The following SMARCD3 variants were observed in gnomAD, a reference collection of about 807,000 sequenced individuals.
The protein encoded by SMARCD3 is SWI/SNF related BAF chromatin remodeling complex subunit D3.
Under a neutral mutation model 58.0 loss-of-function variants are expected in SMARCD3, and 14 were observed. The ratio of observed to expected loss-of-function variants is 0.24; its 90% CI spans 0.16 to 0.38. SMARCD3 has a LOEUF of 0.38. SMARCD3 is among the 10% of genes least tolerant of loss of function. The probability of loss-of-function intolerance (pLI) is 1.00; values close to 1 mark genes in which losing one functional copy is unlikely to be tolerated. For synonymous variants in SMARCD3, 253 were observed against 253.8 expected (o/e 1.00, Z 0.03); for missense variants, 408 against 636.9 (o/e 0.64, Z 3.87).
intron 2 of SMARCD3, among the ~76,000 whole-genome samples, chr7:151,267,825 A>G (rs1795046831): frequency 6.6e-6 from 1 of 152,046 alleles, no homozygotes; most frequent in South Asian, 2.1e-4. Flanking sequence ...AAATTTAAAT[A>G]TATTAGCCGG....
chr7:151,257,262 G>C lies in SMARCD3; in HGVS notation c.40-11591C>G, dbSNP rs577544679. Among the ~76,000 whole-genome samples the C allele has an allele frequency of 2.2e-4, 33 of 152,230 alleles. 1 individual carries two copies. Among genetic ancestry groups the C allele is most frequent in the South Asian group, 6.2e-4 (3 of 4,818 alleles). On this transcript the variant is annotated intron_variant, in intron 2 of 13. Coordinates refer to the SMARCD3 transcript ENST00000356800. ...CCAGTAGCAACAAAACTTCTGAAAA[G>C]AGTTGTCTCATTTGTGCTCCTCCAT...
intron 2 of SMARCD3, among the ~76,000 whole-genome samples, chr7:151,266,642 C>T (rs1011618710): frequency 3.9e-5 from 6 of 152,220 alleles, no homozygotes; most frequent in African/African-American, 4.8e-5. Flanking sequence ...GCCCAATTAT[C>T]GTAACATCCA....
Position 151,239,329 on chromosome 7 carries a change from A to G in SMARCD3, c.1398+67T>C. 2.1e-6 allele frequency: 3 copies of G among 1,424,108 alleles called. No individual in the cohort carries two copies. The highest frequency in any genetic ancestry group is 3.0e-6 in the Non-Finnish European group (3 of 1,008,928). 88.2% of individuals were successfully genotyped at this position (1,424,108 alleles called of 1,614,324 possible). A position where few individuals can be genotyped will look rare whatever the true frequency, so the allele number is the denominator to read the frequency against. ...TGGGGAGCTGCGAGGGCTGCCCACA[A>G]GCTGAACAGGGAGGTTTCTCTTGGA... On this transcript the variant is annotated intron_variant, in intron 12 of 12. Transcript: ENST00000262188. This position sits in a 1 kb window ranked among gnomAD's most constrained non-coding sequence, Gnocchi z 7.0.
intron 2 of SMARCD3, among the ~76,000 whole-genome samples, chr7:151,256,922 C>G (rs1340352274): frequency 1.3e-5 from 2 of 152,214 alleles, no homozygotes; most frequent in Non-Finnish European, 2.9e-5. Context: ...CTCCTCCACA[C>G]CAAGGACACT....
chr7:151,263,998 C>T (rs1804000532), intron 2 of SMARCD3, among the ~76,000 whole-genome samples: 4 of 152,058 alleles, frequency 2.6e-5, no homozygotes, highest in East Asian at 1.9e-4. Flanking sequence ...CTGCACCTGC[C>T]ATTCTCTTGA....
intron 2 of SMARCD3, among the ~76,000 whole-genome samples, chr7:151,258,577 A>AG (rs1296945244): frequency 8.7e-5 from 13 of 150,156 alleles, no homozygotes; most frequent in South Asian, 4.2e-4. Flanking sequence ...AAAAAAAAAA[A>AG]AAAGAAAAAG....
In SMARCD3 at chr7:151,242,603, G is replaced by C; in HGVS notation, c.457C>G (p.Gln153Glu). The change falls in exon 5 of 13, where the codon CAA becomes GAA. Residue 153 changes from glutamine (Q) to glutamate (E), a missense_variant and splice_region_variant. Gln to Glu is a conservative substitution (Grantham distance 29). Transcript: ENST00000262188. The surrounding 1 kb of genome is among the most constrained non-coding windows in gnomAD (Gnocchi z 4.7). ...IQEALKRPMK[Q>E]KRKLRLYISN... ...ATATAGAGTCGCAGCTTCCGCTTTT[G>C]CTGTAGAAATAGAGTGCAGAACCGG... The C allele has an allele frequency of 6.2e-7, 1 of 1,613,092 alleles. No individual in the cohort carries two copies. Among genetic ancestry groups the C allele is most frequent in the African/African-American group, 1.3e-5 (1 of 75,014 alleles).
Position 151,245,971 on chromosome 7 carries a change from T to G in SMARCD3, c.79-300A>C. ...CGCAAAAATGAATATTAATGGCGCC[T>G]TTCAACCTTTCAAAGATGTTCACAT... On this transcript the variant is annotated intron_variant, in intron 1 of 12. Transcript: ENST00000262188. This position sits in a 1 kb window ranked among gnomAD's most constrained non-coding sequence, Gnocchi z 6.2. 1 of 261,750 alleles carries G rather than the reference T, an allele frequency of 3.8e-6. No individual in the cohort carries two copies. Among genetic ancestry groups the G allele is most frequent in the Non-Finnish European group, 7.2e-6 (1 of 139,064 alleles). 16.2% of individuals were successfully genotyped at this position (261,750 alleles called of 1,614,324 possible).
chr7:151,275,263 G>A lies in SMARCD3; in HGVS notation c.-99-12C>T, dbSNP rs886839636. ...GCCATTCTGAGGATCTGAAAGGAGAGGTCAGACCCTGAGCCCCAGCGTAGA... is the reference window on the plus strand; with the variant it reads ...GCCATTCTGAGGATCTGAAAGGAGAAGTCAGACCCTGAGCCCCAGCGTAGA... On this transcript the variant is annotated splice_polypyrimidine_tract_variant and intron_variant, in intron 1 of 13. Transcript: ENST00000356800. 26 of 915,512 alleles carry A rather than the reference G, an allele frequency of 2.8e-5. No homozygotes were observed. The Middle Eastern group carries it at 6.3e-4, about 22-fold the overall frequency. The allele number at this position is 915,512 out of a possible 1,614,324, so 56.7% of individuals were successfully genotyped here. A position where few individuals can be genotyped will look rare whatever the true frequency, so the allele number is the denominator to read the frequency against.
At chr7:151,272,888 C>A (rs1201727469) in intron 2 of SMARCD3, among the ~76,000 whole-genome samples, 1 of 152,196 alleles carries the variant, frequency 6.6e-6, no homozygotes, top group Non-Finnish European at 1.5e-5. Context: ...GGTTAGGAGT[C>A]CAGCCACAGC....
Position 151,238,797 on chromosome 7 carries a change from T to C in SMARCD3, c.*306A>G. 4.5e-6 allele frequency: 7 copies of C among 1,549,996 alleles called. No homozygotes were observed. The highest frequency in any genetic ancestry group is 5.2e-6 in the Non-Finnish European group (6 of 1,152,606). Reference sequence around the variant, plus strand: ...TTGCTGTATTTTTTAAATATGAAAATGTTATTAAACATGTCTTCTGCCAAA... The same window carrying C: ...TTGCTGTATTTTTTAAATATGAAAACGTTATTAAACATGTCTTCTGCCAAA... On this transcript the variant is annotated 3_prime_UTR_variant, in exon 13 of 13. Transcript: ENST00000262188.
chr7:151,270,674 G>A (rs1357389808), intron 2 of SMARCD3, among the ~76,000 whole-genome samples: 1 of 152,194 alleles, frequency 6.6e-6, no homozygotes, highest in African/African-American at 2.4e-5. Context: ...GAGGTGCAGG[G>A]AACAGCATGT....
intron 2 of SMARCD3, among the ~76,000 whole-genome samples, chr7:151,272,586 C>T (rs888859815): frequency 1.3e-5 from 2 of 152,102 alleles, no homozygotes; most frequent in Non-Finnish European, 2.9e-5. Flanking sequence ...GTGGGGCGCA[C>T]GCTCATGAGG....
intron 9 of SMARCD3, 59 bp from the exon 10 acceptor site, chr7:151,240,306 G>T (rs546868111): frequency 8.1e-6 from 13 of 1,611,176 alleles, no homozygotes; most frequent in South Asian, 5.5e-5. Flanking sequence ...CCAGGGCCCC[G>T]GGGCTGGGGC....
chr7:151,268,937 T>C (rs1795076076), intron 2 of SMARCD3, among the ~76,000 whole-genome samples: 1 of 152,198 alleles, frequency 6.6e-6, no homozygotes, highest in Admixed American at 6.5e-5. Flanking sequence ...AAGCCCACAA[T>C]GATCCCTCAG....
rs764784012 is a variant in SMARCD3 at position 151,241,845 on chromosome 7, G to A, written c.777+32C>T. 72 of 1,564,826 alleles carry A rather than the reference G, an allele frequency of 4.6e-5. No homozygotes were observed. The highest frequency in any genetic ancestry group is 5.9e-5 in the Non-Finnish European group (68 of 1,143,086). ...TAGCCCTGCCCTGAGGGCCTTGTGT[G>A]GCGTGTACGGGGCAGCATGGCAGGT... On this transcript the variant is annotated intron_variant, in intron 7 of 12. Transcript: ENST00000262188. This position sits in a 1 kb window ranked among gnomAD's most constrained non-coding sequence, Gnocchi z 5.3.
In SMARCD3 at chr7:151,272,192, G is replaced by A. The variant is rs777445277; in HGVS notation, c.39+2922C>T. Among the ~76,000 whole-genome samples, 164 of 152,038 alleles carry A rather than the reference G, an allele frequency of 1.1e-3. 1 individual carries two copies. Among genetic ancestry groups the A allele is most frequent in the Non-Finnish European group, 2.2e-3 (147 of 68,000 alleles). On this transcript the variant is annotated intron_variant, in intron 2 of 13. Coordinates refer to the SMARCD3 transcript ENST00000356800. ...CAGGAGAGACCTCCCAGTGGCTCGG[G>A]ACCAGAAATCACGTGATTTGAGCAA...
intron 2 of SMARCD3, among the ~76,000 whole-genome samples, chr7:151,259,582 C>G (rs1377024131): frequency 1.4e-5 from 2 of 140,958 alleles, no homozygotes; most frequent in African/African-American, 5.5e-5. Flanking sequence ...CAAATGCCAG[C>G]TGAGGTTACA....
Position 151,239,064 on chromosome 7 carries a change from A to T in SMARCD3, c.*39T>A, listed in dbSNP as rs1200164014. 8.1e-6 allele frequency: 13 copies of T among 1,607,882 alleles called. No individual in the cohort carries two copies. Among genetic ancestry groups the T allele is most frequent in the Non-Finnish European group, 1.1e-5 (13 of 1,174,366 alleles). Reference sequence around the variant, plus strand: ...GGGGCAAAATGCTGGGGCCCGGGACACGGCTGAAAGTTCCGTCGTGCTGCT... The same window carrying T: ...GGGGCAAAATGCTGGGGCCCGGGACTCGGCTGAAAGTTCCGTCGTGCTGCT... On this transcript the variant is annotated 3_prime_UTR_variant, in exon 13 of 13. Coordinates refer to ENST00000262188, the MANE Select transcript of SMARCD3 (RefSeq NM_001003801.2). This position sits in a 1 kb window ranked among gnomAD's most constrained non-coding sequence, Gnocchi z 7.0.
Sources: gnomAD v4.1 joint callset for allele counts (sites outside exome capture counted in the v4.1 genomes callset) on GRCh38, gnomAD v4.1.1 for gene constraint, Gnocchi (gnomAD v3.1) non-coding constraint, MANE v1.5 for transcripts, NCBI Gene and HGNC (gene_info 2026-07-23, HGNC 2026-07-21) for gene names.